The following DCC variants were observed in gnomAD, a reference collection of about 807,000 sequenced individuals.
DCC encodes the protein netrin receptor DCC.
In DCC, 58 loss-of-function variants were observed where a neutral mutation model predicts 172.5. The observed-to-expected ratio is 0.34, with a 90% CI of 0.27 to 0.42. The LOEUF is 0.42. Ranked by LOEUF, DCC falls within the 10% of genes least tolerant of loss-of-function variation. DCC has a pLI of 1.00. For synonymous variants in DCC, 709 were observed against 644.5 expected (o/e 1.10, Z -1.52); for missense variants, 1,740 against 1,791.0 (o/e 0.97, Z 0.51).
intron 2 of DCC, among the ~76,000 whole-genome samples, chr18:52,813,214 C>G (rs1423570407): frequency 3.1e-5 from 4 of 128,400 alleles, no homozygotes. Context: ...AGACACTGAT[C>G]TCTAATCTTT....
intron 15 of DCC, among the ~76,000 whole-genome samples, chr18:53,369,725 G>A (rs1399584242): frequency 2.0e-5 from 3 of 151,794 alleles, no homozygotes; most frequent in Non-Finnish European, 4.4e-5. Context: ...ATCAATTGAT[G>A]ACGTGGTGGT....
At chr18:52,614,010 A>G (rs1398066545) in intron 1 of DCC, among the ~76,000 whole-genome samples, 2 of 152,206 alleles carry the variant, frequency 1.3e-5, no homozygotes, top group Non-Finnish European at 2.9e-5. Flanking sequence ...AGCTCAGGGC[A>G]AAGGGATTCC....
intron 1 of DCC, among the ~76,000 whole-genome samples, chr18:52,511,655 A>G (rs1397010991): frequency 1.3e-5 from 2 of 152,220 alleles, no homozygotes; most frequent in Non-Finnish European, 2.9e-5. Context: ...ACAATCATCC[A>G]GTCCCAAATG....
chr18:53,112,021 T>C (rs1261104614), intron 7 of DCC, among the ~76,000 whole-genome samples: 1 of 151,528 alleles, frequency 6.6e-6, no homozygotes, highest in Non-Finnish European at 1.5e-5. Flanking sequence ...TACTGGAGAC[T>C]GTTTTCACGA....
At chr18:53,210,660 A>C (rs1006529187) in intron 11 of DCC, among the ~76,000 whole-genome samples, 3 of 152,206 alleles carry the variant, frequency 2.0e-5, no homozygotes, top group Non-Finnish European at 4.4e-5. Flanking sequence ...ACTGTGTCTA[A>C]ATGCATCTGT....
intron 22 of DCC, among the ~76,000 whole-genome samples, chr18:53,438,301 T>A (rs1210126779): frequency 2.0e-5 from 3 of 152,184 alleles, no homozygotes; most frequent in Admixed American, 6.5e-5. Flanking sequence ...CAACCACTAC[T>A]GAGCAGTGGT....
At chr18:52,735,501 A>T (rs1252442002) in intron 1 of DCC, among the ~76,000 whole-genome samples, 1 of 152,150 alleles carries the variant, frequency 6.6e-6, no homozygotes, top group African/African-American at 2.4e-5. Flanking sequence ...GGCCATCTGC[A>T]GTCTGAGAAG....
At chr18:53,499,164 T>C in intron 26 of DCC, 134 bp from the exon 27 acceptor site, 1 of 830,984 alleles carries the variant, frequency 1.2e-6, no homozygotes, top group Non-Finnish European at 2.0e-6. Context: ...CGAATGACAA[T>C]GTTCATAACT....
chr18:53,066,191 G>T, intron 7 of DCC, 25 bp downstream of exon 7: 2 of 1,609,000 alleles, frequency 1.2e-6, no homozygotes, highest in Non-Finnish European at 1.7e-6. Context: ...ACCTTGCTTT[G>T]GTACCTGGAA....
chr18:53,025,605 A>T (rs1468339238), intron 5 of DCC, among the ~76,000 whole-genome samples: 1 of 152,044 alleles, frequency 6.6e-6, no homozygotes, highest in Non-Finnish European at 1.5e-5. Context: ...AGACTCTAAT[A>T]TCTGACTCTG....
chr18:52,633,189 T>A (rs1475170186), intron 1 of DCC, among the ~76,000 whole-genome samples: 1 of 152,004 alleles, frequency 6.6e-6, no homozygotes, highest in African/African-American at 2.4e-5. Context: ...TCTGTCTATC[T>A]AAACACATTT....
chr18:53,195,704 C>T (rs894423861), intron 9 of DCC, among the ~76,000 whole-genome samples: 3 of 152,054 alleles, frequency 2.0e-5, no homozygotes, highest in Non-Finnish European at 4.4e-5. Context: ...CCTGTCTCGT[C>T]GGATTCATCC....
chr18:53,259,591 A>G (rs1415492497), intron 12 of DCC, among the ~76,000 whole-genome samples: 1 of 151,672 alleles, frequency 6.6e-6, no homozygotes, highest in East Asian at 1.9e-4. Context: ...CTGTTAGTCT[A>G]ATGGGCTTCC....
At chr18:53,235,023 A>G (rs2056180953) in intron 12 of DCC, among the ~76,000 whole-genome samples, 1 of 152,056 alleles carries the variant, frequency 6.6e-6, no homozygotes, top group African/African-American at 2.4e-5. Context: ...TAGATAGCCA[A>G]TTTCCATTCT....
chr18:53,013,079 T>C (rs922789027), intron 5 of DCC, among the ~76,000 whole-genome samples: 2 of 152,056 alleles, frequency 1.3e-5, no homozygotes, highest in Admixed American at 1.3e-4. Flanking sequence ...TAACAGATGC[T>C]GGCAAGGACT....
intron 8 of DCC, among the ~76,000 whole-genome samples, chr18:53,171,856 TA>T (rs35188617): frequency 0.31 from 45,393 of 145,108 alleles, 8,670 homozygotes; most frequent in East Asian, 0.59. Context: ...TGGCTATTAC[TA>T]AAAAAAAAAA....
chr18:52,726,228 G>T (rs2036549935), intron 1 of DCC, among the ~76,000 whole-genome samples: 1 of 152,118 alleles, frequency 6.6e-6, no homozygotes, highest in South Asian at 2.1e-4. Flanking sequence ...CACACAGCTG[G>T]CAATGGCAGA....
At chr18:53,406,414 A>AAGAAAAG (rs201729018) in intron 19 of DCC, among the ~76,000 whole-genome samples, 1 of 142,728 alleles carries the variant, frequency 7.0e-6, no homozygotes, top group Non-Finnish European at 1.6e-5. Flanking sequence ...TAAAAAAAAA[A>AAGAAAAG]GAGAAAGAGG....
At chr18:52,548,874 C>T (rs1230010053) in intron 1 of DCC, among the ~76,000 whole-genome samples, 1 of 152,112 alleles carries the variant, frequency 6.6e-6, no homozygotes, top group Admixed American at 6.6e-5. Flanking sequence ...CTATGAGATA[C>T]TGAAGAAAAT....
Sources: allele counts gnomAD v4.1 joint callset (sites outside exome capture counted in the v4.1 genomes callset), GRCh38; gene constraint gnomAD v4.1.1; transcripts MANE v1.5; gene names NCBI Gene and HGNC (gene_info 2026-07-23, HGNC 2026-07-21).